Variants in SGCZ observed in about 807,000 individuals in gnomAD.
SGCZ encodes zeta-sarcoglycan.
Under a neutral mutation model 41.3 loss-of-function variants are expected in SGCZ, and 40 were observed. The observed-to-expected ratio is 0.97, with a 90% CI of 0.75 to 1.26. The LOEUF is 1.26. SGCZ is among the 50% of genes most tolerant of loss of function. The probability of loss-of-function intolerance (pLI) is 0.00; values close to 1 mark genes in which losing one functional copy is unlikely to be tolerated. For synonymous variants in SGCZ, 206 were observed against 137.5 expected (o/e 1.50, Z -3.49); for missense variants, 552 against 369.8 (o/e 1.49, Z -4.04).
intron 3 of SGCZ, among the ~76,000 whole-genome samples, chr8:14,311,661 G>T (rs1408569415): frequency 6.6e-6 from 1 of 152,150 alleles, no homozygotes; most frequent in African/African-American, 2.4e-5. Flanking sequence ...GAATAATGAG[G>T]TCAGCTCTTA....
In SGCZ at chr8:14,701,390, A is replaced by G. The variant is rs532263387; in HGVS notation, c.40-146464T>C. Among the ~76,000 whole-genome samples the G allele has an allele frequency of 8.6e-5, 13 of 151,880 alleles. No homozygotes were observed. The South Asian group carries it at 2.7e-3, about 32-fold the overall frequency. On this transcript the variant is annotated intron_variant, in intron 1 of 7. Transcript: ENST00000382080. ...GAGAATATTAGGACCATTAAAATCA[A>G]CTCTCTTCCCTCACAACTTTTTGTT...
intron 3 of SGCZ, among the ~76,000 whole-genome samples, chr8:14,290,335 C>A (rs6530756): frequency 0.75 from 113,931 of 151,380 alleles, 43,290 homozygotes; most frequent in Non-Finnish European, 0.8. Flanking sequence ...AATATAGACA[C>A]ATGAGGTTAG....
At chr8:15,024,604 G>C (rs1160579461) in intron 1 of SGCZ, among the ~76,000 whole-genome samples, 2 of 152,104 alleles carry the variant, frequency 1.3e-5, no homozygotes, top group Non-Finnish European at 2.9e-5. Flanking sequence ...AGTGTAACCA[G>C]GCCCAGGTTA....
intron 1 of SGCZ, among the ~76,000 whole-genome samples, chr8:14,596,061 C>T (rs769540694): frequency 2.6e-5 from 4 of 152,188 alleles, no homozygotes; most frequent in Non-Finnish European, 4.4e-5. Flanking sequence ...AACCTGCCAC[C>T]GTCAGATAGA....
At chr8:14,548,192 G>A (rs898228339) in intron 2 of SGCZ, among the ~76,000 whole-genome samples, 12 of 152,118 alleles carry the variant, frequency 7.9e-5, no homozygotes, top group African/African-American at 4.8e-5. Context: ...CTTGCACGAG[G>A]TAATAGAGCT....
chr8:14,245,232 G>T (rs1799042642), intron 3 of SGCZ, among the ~76,000 whole-genome samples: 2 of 152,092 alleles, frequency 1.3e-5, no homozygotes, highest in African/African-American at 4.8e-5. Flanking sequence ...CTGTGGGTTT[G>T]GTACCAGAAC....
intron 5 of SGCZ, among the ~76,000 whole-genome samples, chr8:14,119,272 C>T (rs944456945): frequency 1.3e-5 from 2 of 152,042 alleles, no homozygotes; most frequent in Non-Finnish European, 1.5e-5. Context: ...CGAAGAAGTC[C>T]TTCACATCCC....
intron 1 of SGCZ, among the ~76,000 whole-genome samples, chr8:15,090,199 C>T (rs1257562494): frequency 6.6e-6 from 1 of 152,106 alleles, no homozygotes; most frequent in Non-Finnish European, 1.5e-5. Flanking sequence ...CAAATTTAGT[C>T]TGTTACAATT....
rs979920708 is a variant in SGCZ at position 14,088,296 on chromosome 8, A to G, written c.*2147T>C. 3.3e-5 allele frequency among the ~76,000 whole-genome samples: 5 copies of G among 151,858 alleles called. No individual in the cohort carries two copies. The highest frequency in any genetic ancestry group is 7.4e-5 in the Non-Finnish European group (5 of 67,848). ...CGAACTGCCTAAAACAGCTCAATTG[A>G]TTAGTAGAAGACAGCTGAGATTAGA... On this transcript the variant is annotated 3_prime_UTR_variant, in exon 8 of 8. Transcript: ENST00000382080.
intron 2 of SGCZ, among the ~76,000 whole-genome samples, chr8:14,533,076 T>A (rs1489922244): frequency 6.6e-6 from 1 of 152,020 alleles, no homozygotes. Flanking sequence ...ACATGTGCCA[T>A]GTTGGTATGC....
intron 1 of SGCZ, among the ~76,000 whole-genome samples, chr8:14,991,663 T>C (rs1479833586): frequency 1.3e-5 from 2 of 152,100 alleles, no homozygotes; most frequent in Admixed American, 1.3e-4. Flanking sequence ...AAACTAGTGA[T>C]ACCCTGGAAA....
At chr8:14,528,974 G>C (rs533622468) in intron 2 of SGCZ, among the ~76,000 whole-genome samples, 1 of 151,900 alleles carries the variant, frequency 6.6e-6, no homozygotes, top group African/African-American at 2.4e-5. Flanking sequence ...CTGAGACCTA[G>C]AAAATGACAA....
intron 1 of SGCZ, among the ~76,000 whole-genome samples, chr8:14,984,668 T>A (rs907907352): frequency 1.6e-4 from 25 of 152,204 alleles, no homozygotes; most frequent in African/African-American, 5.8e-4. Context: ...GGCATGATTT[T>A]CTGGCAATAC....
intron 1 of SGCZ, among the ~76,000 whole-genome samples, chr8:14,947,633 T>C (rs1800496053): frequency 6.6e-6 from 1 of 152,180 alleles, no homozygotes; most frequent in South Asian, 2.1e-4. Flanking sequence ...AATAATAAGC[T>C]ATGGGCCATG....
chr8:14,287,799 A>G lies in SGCZ; in HGVS notation c.336+36304T>C, dbSNP rs146395264. The stretch of plus-strand genomic sequence containing the variant: ...CTTCACAGGCTATTTAAATAGAAAC[A>G]GGATTCTTGGTTTGGGCAGTGATTC... On this transcript the variant is annotated intron_variant, in intron 3 of 7. Transcript: ENST00000382080. Among the ~76,000 whole-genome samples the G allele has an allele frequency of 2.6e-3, 403 of 152,232 alleles. 3 individuals are homozygous for G. Among genetic ancestry groups the G allele is most frequent in the African/African-American group, 9.2e-3 (382 of 41,574 alleles).
intron 1 of SGCZ, among the ~76,000 whole-genome samples, chr8:14,732,831 A>T (rs1171737262): frequency 6.6e-6 from 1 of 152,174 alleles, no homozygotes; most frequent in African/African-American, 2.4e-5. Flanking sequence ...AAAAAGACAT[A>T]ACTATGTACC....
intron 2 of SGCZ, among the ~76,000 whole-genome samples, chr8:14,494,059 G>T (rs889210344): frequency 1.3e-5 from 2 of 152,100 alleles, no homozygotes; most frequent in African/African-American, 4.8e-5. Context: ...TAAAAACAGG[G>T]TTAAAATATT....
chr8:14,554,682 A>T (rs369001571), intron 2 of SGCZ, 50 bp downstream of exon 2: 5 of 1,479,204 alleles, frequency 3.4e-6, no homozygotes, highest in Non-Finnish European at 4.6e-6. Context: ...ACAGAGCTAG[A>T]TTGTCTCTGA....
chr8:14,776,805 C>T (rs1992448), intron 1 of SGCZ, among the ~76,000 whole-genome samples: 20,314 of 152,106 alleles, frequency 0.13, 1,735 homozygotes, highest in Non-Finnish European at 0.19. Flanking sequence ...GACTAATACA[C>T]TTTTCAAAGA....
Sources: allele counts gnomAD v4.1 joint callset (sites outside exome capture counted in the v4.1 genomes callset), GRCh38; gene constraint gnomAD v4.1.1; transcripts MANE v1.5; gene names NCBI Gene and HGNC (gene_info 2026-07-23, HGNC 2026-07-21).